Variants in ESYT2 observed in about 807,000 individuals in gnomAD.
ESYT2 encodes the protein extended synaptotagmin 2.
In ESYT2, 54 loss-of-function variants were observed where a neutral mutation model predicts 107.2. The ratio of observed to expected loss-of-function variants is 0.50; its 90% CI spans 0.40 to 0.63. The LOEUF is 0.63. Among genes scored for constraint, ESYT2 ranks in the 30% least tolerant of loss-of-function variants. ESYT2 has a pLI of 0.00. For missense variants in ESYT2, 1,020 were observed against 1,094.5 expected, an observed-to-expected ratio of 0.93 and a Z score of 0.96; for synonymous variants, 491 against 434.1, an observed-to-expected ratio of 1.13 and a Z score of -1.63.
chr7:158,798,277 G>A (rs1283538529), intron 2 of ESYT2, among the ~76,000 whole-genome samples: 1 of 152,154 alleles, frequency 6.6e-6, no homozygotes, highest in African/African-American at 2.4e-5. Flanking sequence ...CCAATATGTT[G>A]CAGGAACTAG....
intron 6 of ESYT2, among the ~76,000 whole-genome samples, chr7:158,775,297 G>T (rs1180102972): frequency 6.6e-6 from 1 of 152,140 alleles, no homozygotes; most frequent in Non-Finnish European, 1.5e-5. Flanking sequence ...CCGGGGTGGT[G>T]GTTGCTGAAG....
At chr7:158,746,305 G>A (rs1253330657) in intron 16 of ESYT2, among the ~76,000 whole-genome samples, 1 of 151,800 alleles carries the variant, frequency 6.6e-6, no homozygotes, top group Admixed American at 6.6e-5. Context: ...TGCACATGTA[G>A]TCCCAGCCAC....
At chr7:158,792,485 G>A (rs1161076487) in intron 4 of ESYT2, among the ~76,000 whole-genome samples, 2 of 150,820 alleles carry the variant, frequency 1.3e-5, no homozygotes, top group East Asian at 2.0e-4. Flanking sequence ...CCAAGACTGC[G>A]CCACTGCACT....
rs932166540 is a variant in ESYT2, at chr7:158,741,868, G to T, written c.1823C>A (p.Pro608His). The T allele has an allele frequency of 2.5e-6, 4 of 1,608,810 alleles. No homozygotes were observed. In the African/African-American group the frequency reaches 4.0e-5, roughly 16 times the overall value. The change falls in exon 18 of 23, where the codon CCT (proline) becomes CAT (histidine). Residue 608 changes from proline (P) to histidine (H), a missense_variant. Pro to His is a moderately conservative substitution (Grantham distance 77, BLOSUM62 -2). Transcript: ENST00000275418. ...RVLHLEKRER[P>H]PDHQHSAQVK... ...TTGAGCTGAGTGTTGGTGGTCTGGA[G>T]GCCTTTCTCGCTTTTCGAGATGGAG...
intron 13 of ESYT2, among the ~76,000 whole-genome samples, chr7:158,755,763 C>CAA (rs1837733813): frequency 6.6e-6 from 1 of 152,130 alleles, no homozygotes; most frequent in Non-Finnish European, 1.5e-5. Context: ...CCTAACCCCT[C>CAA]AGGGTCTTGA....
chr7:158,761,466 T>C, intron 11 of ESYT2, 30 bp downstream of exon 11: 2 of 1,612,314 alleles, frequency 1.2e-6, no homozygotes, highest in Non-Finnish European at 1.7e-6. Context: ...TCAACAATTG[T>C]AAACAGACCC....
intron 1 of ESYT2, among the ~76,000 whole-genome samples, chr7:158,821,244 G>C (rs758677978): frequency 6.6e-6 from 1 of 152,180 alleles, no homozygotes; most frequent in African/African-American, 2.4e-5. Flanking sequence ...ATCTGTGTAA[G>C]AACTATGCCC....
intron 7 of ESYT2, among the ~76,000 whole-genome samples, chr7:158,768,638 G>A (rs1460584923): frequency 1.3e-5 from 2 of 151,964 alleles, no homozygotes; most frequent in African/African-American, 2.4e-5. Flanking sequence ...GGCTGGTCTC[G>A]AACTCTTGAC....
intron 1 of ESYT2, among the ~76,000 whole-genome samples, chr7:158,802,731 A>C (rs2129473673): frequency 6.6e-6 from 1 of 152,364 alleles, no homozygotes; most frequent in African/African-American, 2.4e-5. Context: ...TTAATAGCCT[A>C]GAATAAGTTT....
intron 1 of ESYT2, among the ~76,000 whole-genome samples, chr7:158,817,119 C>T (rs1173992312): frequency 6.6e-6 from 1 of 152,190 alleles, no homozygotes; most frequent in Admixed American, 6.5e-5. Flanking sequence ...CTGAACAGCT[C>T]CTCCTCTCTG....
intron 1 of ESYT2, among the ~76,000 whole-genome samples, chr7:158,821,276 G>A (rs1452719038): frequency 6.6e-6 from 1 of 152,146 alleles, no homozygotes; most frequent in African/African-American, 2.4e-5. Context: ...AAAAGAACAG[G>A]AGGTGACTCA....
chr7:158,805,352 A>G (rs887630424), intron 1 of ESYT2, among the ~76,000 whole-genome samples: 2 of 152,226 alleles, frequency 1.3e-5, no homozygotes, highest in African/African-American at 4.8e-5. Context: ...TTTTTTTCAA[A>G]GATATTAGGA....
chr7:158,751,212 G>C (rs758809271), intron 14 of ESYT2, among the ~76,000 whole-genome samples: 3 of 152,004 alleles, frequency 2.0e-5, no homozygotes, highest in Non-Finnish European at 4.4e-5. Flanking sequence ...TCCATTTTCT[G>C]TTTAGGTATA....
chr7:158,788,404 A>G lies in ESYT2; in HGVS notation c.598T>C (p.Cys200Arg), dbSNP rs1839179696. The G allele has an allele frequency of 1.2e-6, 2 of 1,611,444 alleles. No homozygotes were observed. The highest frequency in any genetic ancestry group is 1.7e-6 in the Non-Finnish European group (2 of 1,179,162). The change falls in exon 5 of 23, where the codon TGT becomes CGT. Residue 200 changes from cysteine to arginine, a missense_variant. Cys to Arg is a radical substitution (Grantham distance 180). Transcript: ENST00000275418. ...LDLQISFVGNCEIDLEIKRYF... is the reference protein window; with the variant it reads ...LDLQISFVGNREIDLEIKRYF... ...CGTTTGATCTCCAAATCAATCTCAC[A>G]ATTTCCTACAAAACTAACAAAAAAT...
intron 18 of ESYT2, among the ~76,000 whole-genome samples, 159 bp downstream of exon 18, chr7:158,741,364 G>A (rs1008007762): frequency 1.3e-5 from 2 of 152,156 alleles, no homozygotes; most frequent in African/African-American, 2.4e-5. Flanking sequence ...TGAGCAAAAC[G>A]GCAACACAAC....
intron 12 of ESYT2, 101 bp from the exon 13 acceptor site, chr7:158,759,682 G>T (rs909658330): frequency 2.1e-6 from 2 of 952,000 alleles, no homozygotes; most frequent in East Asian, 2.5e-5. Flanking sequence ...AATAAGAAAG[G>T]TGAGAAACCA....
chr7:158,812,052 G>A (rs562495865), intron 1 of ESYT2, among the ~76,000 whole-genome samples: 12 of 152,326 alleles, frequency 7.9e-5, no homozygotes, highest in Admixed American at 5.2e-4. Flanking sequence ...AACATCTGGA[G>A]GGCTGGGCCT....
At chr7:158,743,747 A>G in intron 16 of ESYT2, 69 bp from the exon 17 acceptor site, 6 of 1,509,254 alleles carry the variant, frequency 4.0e-6, no homozygotes, top group Non-Finnish European at 5.3e-6. Flanking sequence ...TACGTTGTCT[A>G]CGCTCCTGAC....
chr7:158,809,121 A>T (rs1391027841), intron 1 of ESYT2, among the ~76,000 whole-genome samples: 1 of 152,168 alleles, frequency 6.6e-6, no homozygotes, highest in Admixed American at 6.5e-5. Flanking sequence ...AATATCCCCC[A>T]CAGATAAGGG....
Sources: allele counts gnomAD v4.1 joint callset (sites outside exome capture counted in the v4.1 genomes callset), GRCh38; gene constraint gnomAD v4.1.1; transcripts MANE v1.5; gene names NCBI Gene and HGNC (gene_info 2026-07-23, HGNC 2026-07-21).